The following ABCA13 variants were observed in gnomAD, a reference collection of about 807,000 sequenced individuals.
ABCA13 encodes the protein ATP binding cassette subfamily A member 13, also known as ATP-binding cassette sub-family A member 13.
ABCA13 carries 476 observed loss-of-function variants against 478.7 expected under a neutral mutation model. The observed-to-expected ratio is 0.99, with a 90% CI of 0.92 to 1.07. The LOEUF (loss-of-function observed/expected upper bound fraction) is 1.07. Ranked by LOEUF, ABCA13 falls within the 50% of genes least tolerant of loss-of-function variation. The pLI is 0.00. For synonymous variants in ABCA13, 2,252 were observed against 2,158.9 expected (o/e 1.04, Z -1.20); for missense variants, 6,060 against 5,910.6 (o/e 1.03, Z -0.83).
intron 1 of ABCA13, 25 bp from the exon 2 acceptor site, chr7:48,192,920 ATTTATTCAGGTGAT>A (rs1011410445): frequency 2.1e-5 from 30 of 1,404,480 alleles, no homozygotes; most frequent in Non-Finnish European, 2.7e-5. Context: ...ATACCTTACA[ATTTATTCAGGTGAT>A]TTTTTTTTTT....
intron 42 of ABCA13, among the ~76,000 whole-genome samples, chr7:48,450,886 T>C (rs898218094): frequency 4.6e-5 from 7 of 152,170 alleles, no homozygotes; most frequent in Non-Finnish European, 8.8e-5. Context: ...AGCAGATTAA[T>C]GTATTTTACT....
At chr7:48,613,125 A>G (rs549148901) in intron 58 of ABCA13, among the ~76,000 whole-genome samples, 1 of 152,094 alleles carries the variant, frequency 6.6e-6, no homozygotes, top group South Asian at 2.1e-4. Flanking sequence ...GTTTTAAACT[A>G]ACATATATTA....
At chr7:48,524,195 C>T in intron 53 of ABCA13, 53 bp from the exon 54 acceptor site, 1 of 1,527,826 alleles carries the variant, frequency 6.5e-7, no homozygotes, top group South Asian at 1.2e-5. Context: ...CTCTTCTAGA[C>T]TATTCTGGTA....
At chr7:48,629,416 C>CG (rs1468094617) in intron 59 of ABCA13, among the ~76,000 whole-genome samples, 3 of 152,032 alleles carry the variant, frequency 2.0e-5, no homozygotes, top group African/African-American at 7.2e-5. Flanking sequence ...TTTTCTTACT[C>CG]TGAGTTCAAA....
intron 24 of ABCA13, 90 bp from the exon 25 acceptor site, chr7:48,312,977 A>T: frequency 7.4e-7 from 1 of 1,345,220 alleles, no homozygotes; most frequent in Non-Finnish European, 9.8e-7. Flanking sequence ...AAATCAGATA[A>T]ACAAGTTTTC....
At chr7:48,383,029 C>T (rs1814638386) in intron 35 of ABCA13, among the ~76,000 whole-genome samples, 1 of 152,098 alleles carries the variant, frequency 6.6e-6, no homozygotes, top group Non-Finnish European at 1.5e-5. Flanking sequence ...GGGCTGACAG[C>T]TGGAACTGTG....
intron 42 of ABCA13, among the ~76,000 whole-genome samples, chr7:48,450,927 T>G (rs905693929): frequency 2.6e-5 from 4 of 152,076 alleles, no homozygotes; most frequent in Non-Finnish European, 4.4e-5. Flanking sequence ...GTTCAGTTAA[T>G]ACCTACACAT....
chr7:48,386,183 A>G (rs887620951), intron 35 of ABCA13, among the ~76,000 whole-genome samples: 1 of 152,228 alleles, frequency 6.6e-6, no homozygotes, highest in African/African-American at 2.4e-5. Flanking sequence ...ACACCTAACA[A>G]GGTGAAAGAT....
At chr7:48,177,725 A>G (rs1421976152) in intron 1 of ABCA13, among the ~76,000 whole-genome samples, 17 of 152,194 alleles carry the variant, frequency 1.1e-4, no homozygotes, top group African/African-American at 3.6e-4. Flanking sequence ...AACTCCTGAT[A>G]ACTCGAAGCT....
chr7:48,311,777 G>A (rs964473886), intron 24 of ABCA13, among the ~76,000 whole-genome samples: 3 of 152,166 alleles, frequency 2.0e-5, no homozygotes, highest in African/African-American at 7.2e-5. Context: ...AGGGCAGCCC[G>A]ACCTCCATGT....
intron 1 of ABCA13, among the ~76,000 whole-genome samples, chr7:48,177,682 G>C (rs1795069391): frequency 6.6e-6 from 1 of 152,188 alleles, no homozygotes; most frequent in African/African-American, 2.4e-5. Flanking sequence ...CTCCCTCTCT[G>C]GCTGCAGTCA....
rs181085519 is a variant in ABCA13, at chr7:48,227,351, G to A, written c.558G>A (p.Pro186=). The change falls in exon 6 of 62, where the codon CCG becomes CCA. Residue 186 remains proline, a synonymous_variant. Coordinates refer to ENST00000435803, the MANE Select transcript of ABCA13 (RefSeq NM_152701.5). ...TCTGGGATTTTCTACTTTTACTGCC[G>A]AGACTACACACAAGCCATGATCATG... ...PHIWDFLLLL[P]RLHTSHDHVE... is the part of the protein sequence containing the mutation. 72 of 1,573,456 alleles carry A rather than the reference G, an allele frequency of 4.6e-5. No individual in the cohort carries two copies. Among genetic ancestry groups the A allele is most frequent in the East Asian group, 3.0e-4 (13 of 42,902 alleles).
At chr7:48,294,720 A>G (rs1437290988) in intron 20 of ABCA13, among the ~76,000 whole-genome samples, 1 of 152,038 alleles carries the variant, frequency 6.6e-6, no homozygotes, top group Non-Finnish European at 1.5e-5. Context: ...TGCTGGGATT[A>G]CAGGCGTGAG....
chr7:48,370,178 A>G (rs1400237464), intron 32 of ABCA13, among the ~76,000 whole-genome samples: 1 of 152,010 alleles, frequency 6.6e-6, no homozygotes, highest in Non-Finnish European at 1.5e-5. Flanking sequence ...TGTGTTCTTG[A>G]TTTGACTCTC....
At chr7:48,554,034 C>T (rs977054390) in intron 55 of ABCA13, among the ~76,000 whole-genome samples, 1 of 152,016 alleles carries the variant, frequency 6.6e-6, no homozygotes, top group Admixed American at 6.6e-5. Context: ...TAGTTTCATT[C>T]CTCTGCATAT....
chr7:48,398,228 T>C (rs1028355342), intron 38 of ABCA13, among the ~76,000 whole-genome samples: 1 of 152,216 alleles, frequency 6.6e-6, no homozygotes, highest in Non-Finnish European at 1.5e-5. Flanking sequence ...AAAATGCATC[T>C]ACCCTAGACC....
rs569409282 is a variant in ABCA13, at chr7:48,172,405, A to C, written c.69+853A>C. ...TGAATCCTCCGAGCCAGAATATTCT[A>C]TCTCTCTGTCTTGAAATAAAATACA... On this transcript the variant is annotated intron_variant, in intron 1 of 61. Coordinates refer to ENST00000435803, the MANE Select transcript of ABCA13 (RefSeq NM_152701.5). Among the ~76,000 whole-genome samples, 7 of 149,280 alleles carry C rather than the reference A, an allele frequency of 4.7e-5. No individual in the cohort carries two copies. The East Asian group carries it at 1.4e-3, about 29-fold the overall frequency.
chr7:48,411,290 C>CTTT (rs1246006149), intron 40 of ABCA13, among the ~76,000 whole-genome samples: 1 of 78,708 alleles, frequency 1.3e-5, no homozygotes, highest in Admixed American at 1.4e-4. Context: ...CTCCTTCCTT[C>CTTT]CTTCTTTTCT....
At chr7:48,195,933 G>C (rs143538319) in intron 2 of ABCA13, among the ~76,000 whole-genome samples, 4,074 of 152,140 alleles carry the variant, frequency 0.027, 150 homozygotes, top group African/African-American at 0.086. Flanking sequence ...GGAGGGCCAG[G>C]CTGCAGCAGC....
Sources: gnomAD v4.1 joint callset for allele counts (sites outside exome capture counted in the v4.1 genomes callset) on GRCh38, gnomAD v4.1.1 for gene constraint, MANE v1.5 for transcripts, NCBI Gene and HGNC (gene_info 2026-07-23, HGNC 2026-07-21) for gene names.